TXNDC16: variants seen among roughly 807,000 people sequenced by gnomAD.
TXNDC16 encodes the protein thioredoxin domain containing 16.
A neutral mutation model predicts 85.6 loss-of-function variants in TXNDC16; 74 were observed. That is an observed-to-expected ratio of 0.86 (90% CI 0.72 to 1.05). The LOEUF is 1.05. Ranked by LOEUF, TXNDC16 falls within the 50% of genes least tolerant of loss-of-function variation. The probability of loss-of-function intolerance (pLI) is 0.00; values close to 1 mark genes in which losing one functional copy is unlikely to be tolerated. For missense variants in TXNDC16, 959 were observed against 947.0 expected, an observed-to-expected ratio of 1.01 and a Z score of -0.17; for synonymous variants, 335 against 326.5, an observed-to-expected ratio of 1.03 and a Z score of -0.28.
At chr14:52,504,181 C>G (rs1302760148) in intron 9 of TXNDC16, among the ~76,000 whole-genome samples, 1 of 152,152 alleles carries the variant, frequency 6.6e-6, no homozygotes, top group Non-Finnish European at 1.5e-5. Context: ...CCCAGTCTAG[C>G]AAGACAGGCC....
chr14:52,510,868 T>C (rs1163958529), intron 9 of TXNDC16, among the ~76,000 whole-genome samples: 2 of 152,330 alleles, frequency 1.3e-5, no homozygotes, highest in East Asian at 3.9e-4. Flanking sequence ...AAAGCATTCA[T>C]AAAAGAGGTC....
At chr14:52,433,718 C>T (rs1051539898) in intron 20 of TXNDC16, among the ~76,000 whole-genome samples, 4 of 152,164 alleles carry the variant, frequency 2.6e-5, no homozygotes, top group Non-Finnish European at 4.4e-5. Flanking sequence ...ATCAGCAGGG[C>T]AATAAATTTA....
At chr14:52,549,034 T>C (rs1299915635) in intron 1 of TXNDC16, among the ~76,000 whole-genome samples, 2 of 152,234 alleles carry the variant, frequency 1.3e-5, no homozygotes, top group African/African-American at 2.4e-5. Context: ...TAAAATGCAA[T>C]TGACTATTAC....
chr14:52,515,314 T>C (rs978224844), intron 7 of TXNDC16, among the ~76,000 whole-genome samples: 4 of 152,168 alleles, frequency 2.6e-5, no homozygotes, highest in African/African-American at 7.2e-5. Flanking sequence ...TATGTGTCTG[T>C]GTATATTATT....
At chr14:52,548,341 A>C (rs2037980350) in intron 1 of TXNDC16, among the ~76,000 whole-genome samples, 1 of 152,200 alleles carries the variant, frequency 6.6e-6, no homozygotes, top group African/African-American at 2.4e-5. Flanking sequence ...AGGGAGGAGC[A>C]GGTAATGGTT....
intron 6 of TXNDC16, among the ~76,000 whole-genome samples, chr14:52,522,856 T>C (rs977508504): frequency 1.3e-5 from 2 of 152,192 alleles, no homozygotes; most frequent in African/African-American, 4.8e-5. Context: ...TCTTGTTTAA[T>C]TTTCATGGCA....
intron 9 of TXNDC16, among the ~76,000 whole-genome samples, chr14:52,493,193 C>CTATATATATATATATATA (rs555994196): frequency 2.2e-4 from 28 of 126,154 alleles, no homozygotes; most frequent in African/African-American, 8.5e-4. Flanking sequence ...TGTCACTGTT[C>CTATATATATATATATATA]TATATATATA....
intron 9 of TXNDC16, among the ~76,000 whole-genome samples, chr14:52,494,539 G>GT (rs879839987): frequency 6.6e-5 from 10 of 151,106 alleles, no homozygotes; most frequent in East Asian, 5.8e-4. Flanking sequence ...AAAAATGCCT[G>GT]TTTTTTTTTC....
chr14:52,467,559 C>G (rs957937447), intron 16 of TXNDC16, among the ~76,000 whole-genome samples: 4 of 152,130 alleles, frequency 2.6e-5, no homozygotes, highest in Non-Finnish European at 4.4e-5. Flanking sequence ...CACCTCACAC[C>G]CATTAAGATG....
chr14:52,498,405 TCACA>T (rs140586435), intron 9 of TXNDC16, among the ~76,000 whole-genome samples: 19,208 of 146,134 alleles, frequency 0.13, 1,407 homozygotes, highest in East Asian at 0.34. Flanking sequence ...ACCCTAAAGA[TCACA>T]CACACACACA....
At chr14:52,453,731 A>C (rs1478033497) in intron 18 of TXNDC16, among the ~76,000 whole-genome samples, 2 of 152,172 alleles carry the variant, frequency 1.3e-5, no homozygotes, top group African/African-American at 4.8e-5. Flanking sequence ...ATGCTGAATG[A>C]AACTAGACTG....
chr14:52,500,445 C>G (rs1387933548), intron 9 of TXNDC16, among the ~76,000 whole-genome samples: 1 of 152,102 alleles, frequency 6.6e-6, no homozygotes, highest in East Asian at 1.9e-4. Context: ...GTGTCAAGGA[C>G]TGCGGTCAGG....
intron 12 of TXNDC16, among the ~76,000 whole-genome samples, chr14:52,487,005 G>T (rs1299754557): frequency 1.3e-5 from 2 of 152,222 alleles, no homozygotes; most frequent in East Asian, 3.9e-4. Context: ...GCATCAGAGG[G>T]TAAGTAAGGC....
At chr14:52,491,106 A>G in intron 9 of TXNDC16, 101 bp from the exon 10 acceptor site, 1 of 1,332,278 alleles carries the variant, frequency 7.5e-7, no homozygotes, top group Non-Finnish European at 1.0e-6. Context: ...AGTAAAAAAA[A>G]GTGTAAAATA....
At chr14:52,524,061 C>A (rs936738611) in intron 6 of TXNDC16, among the ~76,000 whole-genome samples, 1 of 152,212 alleles carries the variant, frequency 6.6e-6, no homozygotes, top group East Asian at 1.9e-4. Flanking sequence ...AGGAACCCAC[C>A]TGACAATATT....
chr14:52,550,744 A>C (rs1258356066), intron 1 of TXNDC16, among the ~76,000 whole-genome samples: 1 of 152,240 alleles, frequency 6.6e-6, no homozygotes, highest in African/African-American at 2.4e-5. Context: ...CAAATAGGCC[A>C]TGGCAGAGAA....
intron 7 of TXNDC16, among the ~76,000 whole-genome samples, chr14:52,518,242 A>T (rs528846968): frequency 7.2e-5 from 11 of 152,248 alleles, no homozygotes; most frequent in Admixed American, 3.3e-4. Flanking sequence ...TCACAACTTT[A>T]TTTCTCAAAT....
Position 52,506,527 on chromosome 14 carries a change from CTTTTTTTTTTTTT to C in TXNDC16, c.756+4700_756+4712del, listed in dbSNP as rs765293725. ...AGGCCTTTGACAAATTTCAACAACCCTTTTTTTTTTTTTTTTTTTTTTTTCTTTTTTCTTTTTT... is the reference window on the plus strand; with the variant it reads ...AGGCCTTTGACAAATTTCAACAACCCTTTTTTTTTTTCTTTTTTCTTTTTT... On this transcript the variant is annotated intron_variant, in intron 9 of 20. Transcript: ENST00000281741. Among the ~76,000 whole-genome samples, 53 of 97,550 alleles carry C rather than the reference CTTTTTTTTTTTTT, an allele frequency of 5.4e-4. 4 individuals carry two copies. The highest frequency in any genetic ancestry group is 2.1e-3 in the African/African-American group (49 of 22,824). 64.0% of individuals were successfully genotyped at this position (97,550 alleles called of 152,430 possible).
In TXNDC16 at chr14:52,490,377, A is replaced by C. The variant is rs200596525; in HGVS notation, c.984+14T>G. On this transcript the variant is annotated intron_variant, in intron 11 of 20. Transcript: ENST00000281741. ...ATAAACAGATATTGTAGAACAATAC[A>C]TAAAACAACTAACCTCTTCTGCTCT... 366 of 1,574,310 alleles carry C rather than the reference A, an allele frequency of 2.3e-4. No homozygotes were observed. Among genetic ancestry groups the C allele is most frequent in the Non-Finnish European group, 3.1e-4 (357 of 1,161,990 alleles).
Sources: allele counts gnomAD v4.1 joint callset (sites outside exome capture counted in the v4.1 genomes callset), GRCh38; gene constraint gnomAD v4.1.1; transcripts MANE v1.5; gene names NCBI Gene and HGNC (gene_info 2026-07-23, HGNC 2026-07-21).